The following RAMP1 variants were observed in gnomAD, a reference collection of about 807,000 sequenced individuals.
RAMP1 encodes receptor activity-modifying protein 1.
RAMP1 carries 7 observed loss-of-function variants against 8.2 expected under a neutral mutation model. The observed-to-expected ratio is 0.85, with a 90% CI of 0.49 to 1.60. The LOEUF is 1.60. Among genes scored for constraint, RAMP1 ranks in the 40% most tolerant of loss-of-function variants. The pLI is 0.00. For synonymous variants in RAMP1, 92 were observed against 84.7 expected (o/e 1.09, Z -0.47); for missense variants, 192 against 202.4 (o/e 0.95, Z 0.31).
chr2:237,884,211 G>C (rs2062404322), intron 2 of RAMP1, among the ~76,000 whole-genome samples: 1 of 152,176 alleles, frequency 6.6e-6, no homozygotes, highest in African/African-American at 2.4e-5. Context: ...GGCTGAATGA[G>C]CTCAGCGGGG....
At chr2:237,889,237 C>T (rs931550727) in intron 2 of RAMP1, among the ~76,000 whole-genome samples, 4 of 152,194 alleles carry the variant, frequency 2.6e-5, no homozygotes, top group South Asian at 4.1e-4. Flanking sequence ...GTGTGACCTC[C>T]GCACAGCTGT....
chr2:237,907,720 A>C (rs551240929), intron 2 of RAMP1, among the ~76,000 whole-genome samples: 3 of 152,226 alleles, frequency 2.0e-5, no homozygotes, highest in Admixed American at 1.3e-4. Flanking sequence ...TGCCATTTCC[A>C]CTAGACCCGT....
At chr2:237,898,932 C>T (rs1331990671) in intron 2 of RAMP1, among the ~76,000 whole-genome samples, 1 of 152,210 alleles carries the variant, frequency 6.6e-6, no homozygotes, top group Non-Finnish European at 1.5e-5. Flanking sequence ...GGGTGTGAGC[C>T]CTGACACCAA....
intron 1 of RAMP1, among the ~76,000 whole-genome samples, chr2:237,874,304 G>T (rs186296417): frequency 6.6e-6 from 1 of 152,228 alleles, no homozygotes. Flanking sequence ...TGAAAGGACC[G>T]CTGTCATTGT....
intron 2 of RAMP1, among the ~76,000 whole-genome samples, chr2:237,895,260 C>G (rs1306696246): frequency 1.3e-5 from 2 of 152,306 alleles, no homozygotes; most frequent in African/African-American, 4.8e-5. Context: ...TGCCCACCCC[C>G]TGCTGTGCAA....
intron 2 of RAMP1, among the ~76,000 whole-genome samples, chr2:237,893,629 T>C (rs1386047703): frequency 6.6e-6 from 1 of 152,246 alleles, no homozygotes; most frequent in Admixed American, 6.5e-5. Flanking sequence ...ATACAAATTC[T>C]GCTTTTTACT....
chr2:237,897,787 T>G (rs34672331), intron 2 of RAMP1, among the ~76,000 whole-genome samples: 33,684 of 127,616 alleles, frequency 0.26, 4,827 homozygotes, highest in Non-Finnish European at 0.37. Context: ...TGGGGGGGGG[T>G]TTTGTTTTTT....
Position 237,909,654 on chromosome 2 carries a change from GC to G in RAMP1, c.192-1873del, listed in dbSNP as rs1215677703. ...TCTCAGAGCCTCAGTTTCCTCTGCT[GC>G]AAGAGGCACTTGACACCCACGTCCT... On this transcript the variant is annotated intron_variant, in intron 2 of 2. Coordinates refer to ENST00000254661, the MANE Select transcript of RAMP1 (RefSeq NM_005855.4). Among the ~76,000 whole-genome samples the G allele has an allele frequency of 3.9e-5, 6 of 152,232 alleles. No homozygotes were observed. In the East Asian group the frequency reaches 7.7e-4, roughly 20 times the overall value.
intron 2 of RAMP1, among the ~76,000 whole-genome samples, chr2:237,892,192 G>A (rs768954831): frequency 1.3e-5 from 2 of 150,376 alleles, no homozygotes; most frequent in African/African-American, 4.9e-5. Flanking sequence ...TCCAATTTTT[G>A]TCTTAATTGT....
intron 2 of RAMP1, among the ~76,000 whole-genome samples, chr2:237,899,142 C>T (rs1359947148): frequency 6.6e-6 from 1 of 152,070 alleles, no homozygotes; most frequent in Non-Finnish European, 1.5e-5. Context: ...ATGATCTCCG[C>T]TCGCTGCAAC....
chr2:237,872,403 G>A (rs998669935), intron 1 of RAMP1, among the ~76,000 whole-genome samples: 12 of 152,182 alleles, frequency 7.9e-5, no homozygotes, highest in African/African-American at 2.9e-4. Context: ...CCAGGTCGTG[G>A]GACTCACGCG....
rs574462405 is a variant in RAMP1, at chr2:237,912,034, C to A, written c.*251C>A. 1.7e-6 allele frequency: 1 copy of A among 595,776 alleles called. No homozygotes were observed. The highest frequency in any genetic ancestry group is 2.2e-5 in the South Asian group (1 of 45,972). The allele number at this position is 595,776 out of a possible 1,614,324, so 36.9% of individuals were successfully genotyped here. On this transcript the variant is annotated 3_prime_UTR_variant, in exon 3 of 3. Coordinates refer to ENST00000254661, the MANE Select transcript of RAMP1 (RefSeq NM_005855.4). ...ACCTTGACTTACCTCTGGAAAGGGTCCCAGCCTAGACTGCTTACCCCATAG... is the reference window on the plus strand; with the variant it reads ...ACCTTGACTTACCTCTGGAAAGGGTACCAGCCTAGACTGCTTACCCCATAG...
chr2:237,902,298 A>T (rs1218426829), intron 2 of RAMP1, among the ~76,000 whole-genome samples: 19 of 63,712 alleles, frequency 3.0e-4, no homozygotes, highest in Admixed American at 6.1e-4. Flanking sequence ...GATCGGGAGG[A>T]GGAGGAGGGG....
intron 2 of RAMP1, among the ~76,000 whole-genome samples, chr2:237,905,844 C>A (rs1389572803): frequency 6.6e-6 from 1 of 151,980 alleles, no homozygotes; most frequent in African/African-American, 2.4e-5. Flanking sequence ...AACCCCATCT[C>A]TACTAAAAAT....
At chr2:237,903,720 A>C (rs376065447) in intron 2 of RAMP1, among the ~76,000 whole-genome samples, 1 of 151,146 alleles carries the variant, frequency 6.6e-6, no homozygotes, top group African/African-American at 2.4e-5. Context: ...TTTAAGACAG[A>C]GTCTCGCTCT....
chr2:237,874,541 C>T (rs576469318), intron 1 of RAMP1: 48 of 490,500 alleles, frequency 9.8e-5, no homozygotes, highest in Non-Finnish European at 1.2e-4. Flanking sequence ...GACTGAGGCA[C>T]AGACATGCCT....
In RAMP1 at chr2:237,897,016, G is replaced by A. The variant is rs372857260; in HGVS notation, c.192-14512G>A. ...CCTGGGGGTGTGATGTGCTGTCCGT[G>A]GGGATGGTGGGGTCACCTGCCCCAG... is the stretch of plus-strand genomic sequence containing the variant. On this transcript the variant is annotated intron_variant, in intron 2 of 2. Coordinates refer to ENST00000254661, the MANE Select transcript of RAMP1 (RefSeq NM_005855.4). 1.4e-4 allele frequency among the ~76,000 whole-genome samples: 21 copies of A among 152,334 alleles called. 1 individual carries two copies. The East Asian group carries it at 4.0e-3, about 29-fold the overall frequency.
At chr2:237,870,653 G>A (rs2062235779) in intron 1 of RAMP1, among the ~76,000 whole-genome samples, 2 of 152,228 alleles carry the variant, frequency 1.3e-5, no homozygotes. Context: ...CAGAAATGAA[G>A]AGTGCCGGTT....
Position 237,877,107 on chromosome 2 carries a change from G to T in RAMP1, c.53-117G>T, listed in dbSNP as rs1327077857. ...TGGAGCCACAGTCGCCCTCTCCAGG[G>T]GTTGCTTAGAGGCCCCGTTCTCGTG... On this transcript the variant is annotated intron_variant, in intron 1 of 2. Transcript: ENST00000254661. This position sits in a 1 kb window ranked among gnomAD's most constrained non-coding sequence, Gnocchi z 4.4. 8.6e-5 allele frequency: 113 copies of T among 1,311,574 alleles called. 1 individual carries two copies. The highest frequency in any genetic ancestry group is 6.5e-5 in the Non-Finnish European group (60 of 926,848). The allele number at this position is 1,311,574 out of a possible 1,614,324, so 81.2% of individuals were successfully genotyped here.
Sources: gnomAD v4.1 joint callset for allele counts (sites outside exome capture counted in the v4.1 genomes callset) on GRCh38, gnomAD v4.1.1 for gene constraint, Gnocchi (gnomAD v3.1) non-coding constraint, MANE v1.5 for transcripts, NCBI Gene and HGNC (gene_info 2026-07-23, HGNC 2026-07-21) for gene names.